MYH14: variants seen among roughly 807,000 people sequenced by gnomAD.
The protein encoded by MYH14 is myosin-14.
Under a neutral mutation model 255.5 loss-of-function variants are expected in MYH14, and 123 were observed. The ratio of observed to expected loss-of-function variants is 0.48; its 90% confidence interval spans 0.42 to 0.56. MYH14 has a LOEUF of 0.56. Ranked by LOEUF, MYH14 falls within the 20% of genes least tolerant of loss-of-function variation. The pLI is 0.00. For missense variants in MYH14, 2,423 were observed against 2,802.3 expected (o/e 0.86, Z 3.06); for synonymous variants, 1,095 against 1,161.2 (o/e 0.94, Z 1.16).
intron 27 of MYH14, among the ~76,000 whole-genome samples, chr19:50,274,121 C>G (rs2035418385): frequency 6.6e-6 from 1 of 152,140 alleles, no homozygotes; most frequent in African/African-American, 2.4e-5. Flanking sequence ...CTTCGCATAC[C>G]CTGAGCCCTC....
At chr19:50,222,852 G>A (rs569491544) in intron 3 of MYH14, among the ~76,000 whole-genome samples, 2 of 152,286 alleles carry the variant, frequency 1.3e-5, no homozygotes, top group East Asian at 1.9e-4. Flanking sequence ...TCCATTTTAC[G>A]GGTGAGGAAA....
intron 39 of MYH14, among the ~76,000 whole-genome samples, chr19:50,296,789 C>T (rs2036282118): frequency 6.6e-6 from 1 of 152,168 alleles, no homozygotes; most frequent in Non-Finnish European, 1.5e-5. Flanking sequence ...CTCGCGCTGG[C>T]CCAAAGTGGG....
At chr19:50,268,958 C>T (rs2035196453) in intron 24 of MYH14, among the ~76,000 whole-genome samples, 1 of 152,166 alleles carries the variant, frequency 6.6e-6, no homozygotes, top group South Asian at 2.1e-4. Flanking sequence ...AATTCAGATG[C>T]TAAATTTTCA....
rs1351981637 is a variant in MYH14 at position 50,271,941 on chromosome 19, C to G, written c.3264C>G (p.Leu1088=). ...EKVKSLNKLR[L]KYEATIADME... is the part of the protein sequence containing the mutation. ...TCAAGAGCCTCAATAAGCTACGGCT[C>G]AAATATGAGGCCACAATCGCAGACA... The change falls in exon 26 of 43, where the codon CTC becomes CTG. Residue 1088 remains leucine, a synonymous_variant. Transcript: ENST00000642316. The G allele has an allele frequency of 1.2e-6, 2 of 1,611,318 alleles. No individual in the cohort carries two copies. Among genetic ancestry groups the G allele is most frequent in the South Asian group, 2.2e-5 (2 of 90,252 alleles).
chr19:50,208,019 A>G (rs539443810), intron 1 of MYH14, among the ~76,000 whole-genome samples: 1 of 152,318 alleles, frequency 6.6e-6, no homozygotes, highest in Admixed American at 6.5e-5. Flanking sequence ...ATGCCACACC[A>G]GAGAGGCCCT....
intron 33 of MYH14, among the ~76,000 whole-genome samples, 161 bp downstream of exon 33, chr19:50,282,003 G>A (rs1284904015): frequency 6.6e-6 from 1 of 152,204 alleles, no homozygotes; most frequent in African/African-American, 2.4e-5. Context: ...CTGTAAAATA[G>A]GACATCCCTC....
At chr19:50,222,512 T>G (rs1246722851) in intron 3 of MYH14, among the ~76,000 whole-genome samples, 1 of 151,164 alleles carries the variant, frequency 6.6e-6, no homozygotes, top group Non-Finnish European at 1.5e-5. Context: ...AACCACTGCT[T>G]TATTCTAGTA....
At chr19:50,271,072 CT>C (rs546770468) in intron 24 of MYH14, among the ~76,000 whole-genome samples, 4 of 148,474 alleles carry the variant, frequency 2.7e-5, no homozygotes, top group East Asian at 2.0e-4. Flanking sequence ...ATAGGTGTTC[CT>C]TTTTTTTTTC....
intron 33 of MYH14, 34 bp downstream of exon 33, chr19:50,281,876 A>G: frequency 3.8e-6 from 6 of 1,599,448 alleles, no homozygotes; most frequent in Non-Finnish European, 5.1e-6. Context: ...CCGGGGAATC[A>G]GCAAGTCCAT....
rs2034294462 is a variant in MYH14 at position 50,249,815 on chromosome 19, G to C, written c.1648G>C (p.Glu550Gln). Reference protein sequence around the residue: ...LDLQPCIDLIERPANPPGLLA... With the variant: ...LDLQPCIDLIQRPANPPGLLA... ...CCTGCAGCCCTGCATCGACCTCATC[G>C]AGCGGCCGGTGAGCCCCAGGCCCCT... Residue 550 changes from glutamate (E) to glutamine (Q), a missense_variant, in exon 14 of 43, where the codon GAG becomes CAG. Coordinates refer to ENST00000642316, the MANE Select transcript of MYH14 (RefSeq NM_001145809.2). 1.2e-6 allele frequency: 2 copies of C among 1,614,056 alleles called. No individual in the cohort carries two copies. Among genetic ancestry groups the C allele is most frequent in the Non-Finnish European group, 1.7e-6 (2 of 1,179,984 alleles).
At chr19:50,218,154 G>T (rs755597344) in intron 3 of MYH14, among the ~76,000 whole-genome samples, 1 of 151,844 alleles carries the variant, frequency 6.6e-6, no homozygotes, top group African/African-American at 2.4e-5. Flanking sequence ...GCACCACTGC[G>T]CCTGGCTAAG....
At chr19:50,217,484 A>G (rs1208255884) in intron 2 of MYH14, 131 bp from the exon 3 acceptor site, 4 of 1,031,562 alleles carry the variant, frequency 3.9e-6, no homozygotes, top group Non-Finnish European at 6.1e-6. Context: ...TCAAATCTAC[A>G]TTGTTATGGT....
At chr19:50,258,741 A>AAAAACAAAAAAC (rs761216499) in intron 18 of MYH14, 2 of 145,556 alleles carry the variant, frequency 1.4e-5, no homozygotes, top group African/African-American at 5.7e-5. Context: ...AAAAAAAAAA[A>AAAAACAAAAAAC]AAACGAACAA....
At chr19:50,274,467 G>T (rs1479907500) in intron 27 of MYH14, among the ~76,000 whole-genome samples, 5 of 152,132 alleles carry the variant, frequency 3.3e-5, no homozygotes, top group African/African-American at 1.2e-4. Context: ...GCTAATTTTT[G>T]TATTTTTAGC....
At chr19:50,302,532 G>A (rs112567379) in intron 40 of MYH14, among the ~76,000 whole-genome samples, 6 of 150,180 alleles carry the variant, frequency 4.0e-5, no homozygotes, top group African/African-American at 1.5e-4. Flanking sequence ...GCAGTGAGCC[G>A]AGATTGCGCC....
At position 50,230,685 on chromosome 19, in the gene MYH14, G is replaced by A; in HGVS notation, c.973+62G>A. ...GAGGGTGGGCACCATGTCTCTCGGG[G>A]GCCCCTTCTGGGGAGGAAGCAAGAG... On this transcript the variant is annotated intron_variant, in intron 9 of 42. Coordinates refer to ENST00000642316, the MANE Select transcript of MYH14 (RefSeq NM_001145809.2). The surrounding 1 kb of genome is among the most constrained non-coding windows in gnomAD (Gnocchi z 4.7). 1 of 1,451,914 alleles carries A rather than the reference G, an allele frequency of 6.9e-7. No individual in the cohort carries two copies. Among genetic ancestry groups the A allele is most frequent in the Non-Finnish European group, 9.4e-7 (1 of 1,063,322 alleles). The allele number at this position is 1,451,914 out of a possible 1,614,324, so 89.9% of individuals were successfully genotyped here.
chr19:50,280,439 C>A lies in MYH14; in HGVS notation c.4290+56C>A, dbSNP rs931934540. The A allele has an allele frequency of 3.5e-5, 52 of 1,465,410 alleles. 1 individual carries two copies. In the Admixed American group the frequency reaches 1.2e-3, roughly 35 times the overall value. The allele number at this position is 1,465,410 out of a possible 1,614,324, so 90.8% of individuals were successfully genotyped here. A position where few individuals can be genotyped will look rare whatever the true frequency, so the allele number is the denominator to read the frequency against. Reference sequence around the variant, plus strand: ...GGCACAGCCCCCCTCACTGCTCCTCCTGGGTTCCCCAGCTCAGGGATGGCC... The same window carrying A: ...GGCACAGCCCCCCTCACTGCTCCTCATGGGTTCCCCAGCTCAGGGATGGCC... On this transcript the variant is annotated intron_variant, in intron 32 of 42. Coordinates refer to ENST00000642316, the MANE Select transcript of MYH14 (RefSeq NM_001145809.2). The surrounding 1 kb of genome is among the most constrained non-coding windows in gnomAD (Gnocchi z 4.8).
intron 6 of MYH14, 55 bp from the exon 7 acceptor site, chr19:50,225,530 C>T: frequency 6.9e-7 from 1 of 1,447,914 alleles, no homozygotes; most frequent in Non-Finnish European, 9.6e-7. Context: ...CTGGGCTGGC[C>T]TGGCCTCCTG....
At position 50,261,711 on chromosome 19, in the gene MYH14, G is replaced by A. The variant is rs925372538; in HGVS notation, c.2585+76G>A. 1.7e-5 allele frequency: 23 copies of A among 1,384,764 alleles called. No individual in the cohort carries two copies. In the Admixed American group the frequency reaches 4.3e-4, roughly 26 times the overall value. The allele number at this position is 1,384,764 out of a possible 1,614,324, so 85.8% of individuals were successfully genotyped here. ...GGAGGGGTTGACCAGATGGCTCTAGGTGTCAGGGCCTCCAGGATGGGTGCA... is the reference window on the plus strand; with the variant it reads ...GGAGGGGTTGACCAGATGGCTCTAGATGTCAGGGCCTCCAGGATGGGTGCA... On this transcript the variant is annotated intron_variant, in intron 21 of 42. Coordinates refer to ENST00000642316, the MANE Select transcript of MYH14 (RefSeq NM_001145809.2).
Sources: allele counts gnomAD v4.1 joint callset (sites outside exome capture counted in the v4.1 genomes callset), GRCh38; gene constraint gnomAD v4.1.1; non-coding constraint Gnocchi (gnomAD v3.1); transcripts MANE v1.5; gene names NCBI Gene and HGNC (gene_info 2026-07-23, HGNC 2026-07-21).